Variants in PTPN5 observed in about 807,000 individuals in gnomAD.
PTPN5 encodes the protein protein tyrosine phosphatase non-receptor type 5.
PTPN5 carries 29 observed loss-of-function variants against 73.9 expected under a neutral mutation model. The ratio of observed to expected loss-of-function variants is 0.39; its 90% CI spans 0.29 to 0.54. The LOEUF is 0.54. PTPN5 is among the 20% of genes least tolerant of loss of function. The pLI is 0.65. For synonymous variants in PTPN5, 267 were observed against 304.7 expected, an observed-to-expected ratio of 0.88 and a Z score of 1.29; for missense variants, 652 against 751.4, an observed-to-expected ratio of 0.87 and a Z score of 1.55.
In PTPN5 at chr11:18,742,174, C is replaced by G; in HGVS notation, c.725+88G>C. On this transcript the variant is annotated intron_variant, in intron 7 of 14. Transcript: ENST00000358540. The surrounding 1 kb of genome is among the most constrained non-coding windows in gnomAD (Gnocchi z 4.1). The stretch of plus-strand genomic sequence containing the variant: ...ATAAGGCCAGCTCTGCCCTGGGCAC[C>G]AGGAGTCAGAGTCAGGCATCCACTC... The G allele has an allele frequency of 1.3e-6, 2 of 1,559,788 alleles. No homozygotes were observed. Among genetic ancestry groups the G allele is most frequent in the Non-Finnish European group, 1.7e-6 (2 of 1,146,490 alleles).
Position 18,729,461 on chromosome 11 carries a change from AC to A in PTPN5, c.1595del (p.Arg532LeufsTer7). ...CCCGCCCGTGGGCTGACCTGTCCTG[AC>A]GGAGCTGGCACGTGGTCTTCAGGAT... ...VDILKTTCQL[R>X]QDRGGMIQTC... On this transcript the variant is annotated frameshift_variant, in exon 14 of 15. Transcript: ENST00000358540. LOFTEE classifies it high-confidence loss of function. This position sits in a 1 kb window ranked among gnomAD's most constrained non-coding sequence, Gnocchi z 5.2. 1 of 1,528,238 alleles carries A rather than the reference AC, an allele frequency of 6.5e-7. No homozygotes were observed. 94.7% of individuals were successfully genotyped at this position (1,528,238 alleles called of 1,614,324 possible). A position where few individuals can be genotyped will look rare whatever the true frequency, so the allele number is the denominator to read the frequency against.
chr11:18,740,518 C>T (rs981293824), intron 8 of PTPN5, 85 bp downstream of exon 8: 4 of 1,258,746 alleles, frequency 3.2e-6, no homozygotes, highest in Non-Finnish European at 4.2e-6. Context: ...ATGCTGAGTT[C>T]CAGGCACCAC....
chr11:18,756,728 C>T (rs976604401), intron 3 of PTPN5, among the ~76,000 whole-genome samples: 4 of 151,888 alleles, frequency 2.6e-5, no homozygotes, highest in Non-Finnish European at 4.4e-5. Context: ...CGAGACCACC[C>T]CGGCTAACAC....
intron 12 of PTPN5, 132 bp downstream of exon 12, chr11:18,732,460 A>C: frequency 1.4e-6 from 1 of 698,992 alleles, no homozygotes; most frequent in Non-Finnish European, 2.5e-6. Context: ...ATCCGTAATT[A>C]TCAGAAAATC....
chr11:18,785,335 C>CA, intron 1 of PTPN5, among the ~76,000 whole-genome samples: 1 of 152,250 alleles, frequency 6.6e-6, no homozygotes, highest in Non-Finnish European at 1.5e-5. Flanking sequence ...ACAATAAAGA[C>CA]ATAGTTAAAT....
chr11:18,729,136 G>A lies in PTPN5; in HGVS notation c.1605-109C>T, dbSNP rs1476167315. The A allele has an allele frequency of 1.1e-5, 12 of 1,129,974 alleles. No individual in the cohort carries two copies. Among genetic ancestry groups the A allele is most frequent in the Admixed American group, 2.2e-5 (1 of 45,744 alleles). 70.0% of individuals were successfully genotyped at this position (1,129,974 alleles called of 1,614,324 possible). A position where few individuals can be genotyped will look rare whatever the true frequency, so the allele number is the denominator to read the frequency against. On this transcript the variant is annotated intron_variant, in intron 14 of 14. Coordinates refer to ENST00000358540, the MANE Select transcript of PTPN5 (RefSeq NM_006906.2). This position sits in a 1 kb window ranked among gnomAD's most constrained non-coding sequence, Gnocchi z 5.2. ...CACTTGCCAGGCCTTGCCCCTGTGC[G>A]TCTTGGAGAGACCAACCCTTGCCAA... is the stretch of plus-strand genomic sequence containing the variant.
intron 1 of PTPN5, among the ~76,000 whole-genome samples, chr11:18,777,052 T>C (rs111917371): frequency 8.5e-5 from 13 of 152,096 alleles, no homozygotes; most frequent in African/African-American, 3.1e-4. Context: ...TCCCAGCTAC[T>C]TGGGAGGCTG....
At chr11:18,740,502 C>T in intron 8 of PTPN5, 101 bp downstream of exon 8, 1 of 1,072,914 alleles carries the variant, frequency 9.3e-7, no homozygotes, top group South Asian at 3.0e-5. Context: ...TACTAATCTA[C>T]TGCAGATGCT....
In PTPN5 at chr11:18,743,056, G is replaced by A. The variant is rs142938141; in HGVS notation, c.419C>T (p.Thr140Met). 3.1e-5 allele frequency: 48 copies of A among 1,551,188 alleles called. No homozygotes were observed. The highest frequency in any genetic ancestry group is 2.7e-4 in the African/African-American group (20 of 73,022). Residue 140 changes from threonine (T) to methionine (M), a missense_variant, in exon 6 of 15, where the codon ACG becomes ATG. Around this residue, in one of 3 missense-constraint regions of PTPN5, gnomAD observed 529 missense variants for 573.9 expected, o/e 0.92. Coordinates refer to ENST00000358540, the MANE Select transcript of PTPN5 (RefSeq NM_006906.2). ...CAGCAGCAGACTGGGGACTCCCCAC[G>A]TCCCAGAGTCAAGCCAGGCCTGGGG... is the stretch of plus-strand genomic sequence containing the variant. ...LEPTAWLDSG[T>M]WGVPSLLLVF...
At chr11:18,787,142 T>C (rs1407839708) in intron 1 of PTPN5, among the ~76,000 whole-genome samples, 2 of 152,250 alleles carry the variant, frequency 1.3e-5, no homozygotes, top group African/African-American at 2.4e-5. Flanking sequence ...GAATAAAATA[T>C]GCAGACTTCA....
rs1320583042 is a variant in PTPN5 at position 18,733,350 on chromosome 11, A to G, written c.1103T>C (p.Val368Ala). 6.2e-7 allele frequency: 1 copy of G among 1,613,918 alleles called. No individual in the cohort carries two copies. The highest frequency in any genetic ancestry group is 1.7e-5 in the Admixed American group (1 of 60,004). Residue 368 changes from valine to alanine, a missense_variant, in exon 11 of 15, where the codon GTG becomes GCG. Val to Ala is a moderately conservative substitution (Grantham distance 64). Transcript: ENST00000358540. This position sits in a 1 kb window ranked among gnomAD's most constrained non-coding sequence, Gnocchi z 4.3. ...YIRGYGGEEKVYIATQGPIVS... is the reference protein window; with the variant it reads ...YIRGYGGEEKAYIATQGPIVS... ...GATGGGTCCCTGAGTGGCGATGTAC[A>G]CCTTCTCCTCCCCACCATAGCCCTG...
chr11:18,780,870 G>A (rs1245325365), intron 1 of PTPN5, among the ~76,000 whole-genome samples: 1 of 152,140 alleles, frequency 6.6e-6, no homozygotes, highest in Non-Finnish European at 1.5e-5. Context: ...AGATTTGGAA[G>A]GAAGATGGGA....
chr11:18,747,152 AT>A (rs10618446), intron 3 of PTPN5, among the ~76,000 whole-genome samples: 242 of 148,234 alleles, frequency 1.6e-3, no homozygotes, highest in Middle Eastern at 7.1e-3. Flanking sequence ...ACTTGGCTGC[AT>A]TTTTTTTTTT....
At chr11:18,762,278 C>T (rs934035703) in intron 3 of PTPN5, among the ~76,000 whole-genome samples, 3 of 152,098 alleles carry the variant, frequency 2.0e-5, no homozygotes, top group Non-Finnish European at 4.4e-5. Context: ...CACTCTGCCT[C>T]GCCTCTGGGT....
rs529214087 is a variant in PTPN5 at position 18,755,570 on chromosome 11, C to A, written c.97+10237G>T. Among the ~76,000 whole-genome samples the A allele has an allele frequency of 4.9e-5, 4 of 82,474 alleles. No homozygotes were observed. The South Asian group carries it at 2.6e-3, about 53-fold the overall frequency. 54.1% of individuals were successfully genotyped at this position (82,474 alleles called of 152,430 possible). On this transcript the variant is annotated intron_variant, in intron 3 of 14. Transcript: ENST00000358540. ...CCCTGCTTCTGGATACCAGGACCCA[C>A]TGGGAGGCTAACTCAAGACTGGCAG...
rs1848956834 is a variant in PTPN5, at chr11:18,733,084, T to C, written c.1218+151A>G. The C allele has an allele frequency of 1.6e-6, 2 of 1,230,362 alleles. No individual in the cohort carries two copies. Among genetic ancestry groups the C allele is most frequent in the African/African-American group, 3.0e-5 (2 of 66,738 alleles). The allele number at this position is 1,230,362 out of a possible 1,614,324, so 76.2% of individuals were successfully genotyped here. A position where few individuals can be genotyped will look rare whatever the true frequency, so the allele number is the denominator to read the frequency against. The stretch of plus-strand genomic sequence containing the variant: ...ATCTGTGAAGCCCGGGGCAAATGAC[T>C]TAACCTTACCGAGCCTCACATCTCC... On this transcript the variant is annotated intron_variant, in intron 11 of 14. Coordinates refer to ENST00000358540, the MANE Select transcript of PTPN5 (RefSeq NM_006906.2). The surrounding 1 kb of genome is among the most constrained non-coding windows in gnomAD (Gnocchi z 4.3).
chr11:18,767,082 G>T lies in PTPN5; in HGVS notation c.21-1199C>A, dbSNP rs571345176. On this transcript the variant is annotated intron_variant, in intron 2 of 14. Transcript: ENST00000358540. ...ATTTTAGCTTACGCCAGTGGGATGTGATTTCTGAAACTGGCAACCAAAAGA... is the reference window on the plus strand; with the variant it reads ...ATTTTAGCTTACGCCAGTGGGATGTTATTTCTGAAACTGGCAACCAAAAGA... Among the ~76,000 whole-genome samples, 98 of 152,310 alleles carry T rather than the reference G, an allele frequency of 6.4e-4. 1 individual carries two copies. The highest frequency in any genetic ancestry group is 3.9e-3 in the South Asian group (19 of 4,824).
chr11:18,750,820 A>C (rs533046581), intron 3 of PTPN5, among the ~76,000 whole-genome samples: 32 of 152,298 alleles, frequency 2.1e-4, no homozygotes, highest in African/African-American at 7.7e-4. Context: ...AGGTTAAGTG[A>C]CTGGCCTGGG....
rs7946105 is a variant in PTPN5, at chr11:18,728,618, C to T, written c.*316G>A. On this transcript the variant is annotated 3_prime_UTR_variant, in exon 15 of 15. Coordinates refer to ENST00000358540, the MANE Select transcript of PTPN5 (RefSeq NM_006906.2). This position sits in a 1 kb window ranked among gnomAD's most constrained non-coding sequence, Gnocchi z 4.1. ...TTGCAGCAGGACACAAAGTGTAGCA[C>T]GGAAACATTCTGGATCAGGTATTGA... The T allele has an allele frequency of 4.1e-5, 12 of 293,232 alleles. No individual in the cohort carries two copies. The highest frequency in any genetic ancestry group is 5.2e-5 in the South Asian group (1 of 19,330). The allele number at this position is 293,232 out of a possible 1,614,324, so 18.2% of individuals were successfully genotyped here.
Sources: gnomAD v4.1 joint callset for allele counts (sites outside exome capture counted in the v4.1 genomes callset) on GRCh38, gnomAD v4.1.1 for gene constraint, gnomAD v4.1.1 regional missense constraint, Gnocchi (gnomAD v3.1) non-coding constraint, MANE v1.5 for transcripts, NCBI Gene and HGNC (gene_info 2026-07-23, HGNC 2026-07-21) for gene names.